MAP4K3: variants seen among roughly 807,000 people sequenced by gnomAD.
MAP4K3 encodes the protein MAPK/ERK kinase kinase kinase 3.
In MAP4K3, 94 loss-of-function variants were observed where a neutral mutation model predicts 143.5. The ratio of observed to expected loss-of-function variants is 0.65; its 90% CI spans 0.55 to 0.78. MAP4K3 has a LOEUF of 0.78. Ranked by LOEUF, MAP4K3 falls within the 30% of genes least tolerant of loss-of-function variation. MAP4K3 has a pLI of 0.00. For missense variants in MAP4K3, 1,077 were observed against 1,068.1 expected (o/e 1.01, Z -0.12); for synonymous variants, 416 against 347.2 (o/e 1.20, Z -2.20).
intron 13 of MAP4K3, among the ~76,000 whole-genome samples, chr2:39,314,552 C>T (rs1683050640): frequency 6.6e-6 from 1 of 152,186 alleles, no homozygotes; most frequent in South Asian, 2.1e-4. Context: ...CCAAATCCCA[C>T]TCCTGAGCTT....
intron 31 of MAP4K3, 22 bp downstream of exon 31, chr2:39,258,326 G>A: frequency 6.8e-7 from 1 of 1,464,834 alleles, no homozygotes. Context: ...ATAATGCAAA[G>A]AATTATAAAA....
chr2:39,307,019 G>A (rs1474739092), intron 15 of MAP4K3, among the ~76,000 whole-genome samples: 1 of 152,136 alleles, frequency 6.6e-6, no homozygotes, highest in Non-Finnish European at 1.5e-5. Flanking sequence ...CCCTAAAGAA[G>A]GGAAATTATG....
chr2:39,408,063 C>T (rs909045936), intron 1 of MAP4K3, among the ~76,000 whole-genome samples: 6 of 152,022 alleles, frequency 3.9e-5, no homozygotes, highest in African/African-American at 9.7e-5. Context: ...AGCTTTTAAC[C>T]CTTGAGCCTT....
rs201438993 is a variant in MAP4K3 at position 39,274,219 on chromosome 2, C to CT, written c.1795-1678dup. On this transcript the variant is annotated intron_variant, in intron 24 of 33. Coordinates refer to ENST00000263881, the MANE Select transcript of MAP4K3 (RefSeq NM_003618.4). ...ATTTCATTTTGAATTTTCTTTCTCT[C>CT]TCTTTTTTTTTTTTTGAGATGGAGT... is the stretch of plus-strand genomic sequence containing the variant. 2.7e-3 allele frequency among the ~76,000 whole-genome samples: 389 copies of CT among 144,378 alleles called. 8 individuals carry two copies. The highest frequency in any genetic ancestry group is 7.2e-3 in the Middle Eastern group (2 of 278). 94.7% of individuals were successfully genotyped at this position (144,378 alleles called of 152,430 possible).
rs534469416 is a variant in MAP4K3 at position 39,430,416 on chromosome 2, C to A, written c.96+6476G>T. On this transcript the variant is annotated intron_variant, in intron 1 of 33. Coordinates refer to ENST00000263881, the MANE Select transcript of MAP4K3 (RefSeq NM_003618.4). ...AACCAAACCTATAATCAGGTCAAGG[C>A]AGTTAGAACTCAGAAATGTGGCATC... 2.0e-5 allele frequency among the ~76,000 whole-genome samples: 3 copies of A among 151,700 alleles called. No individual in the cohort carries two copies. The East Asian group carries it at 5.8e-4, about 29-fold the overall frequency.
rs117781071 is a variant in MAP4K3, at chr2:39,424,239, C to T, written c.96+12653G>A. Reference sequence around the variant, plus strand: ...GATTACAGGCGTGAGCCATCGCGCCCGGCCTGGTTCATCAATTTTAACAAA... The same window carrying T: ...GATTACAGGCGTGAGCCATCGCGCCTGGCCTGGTTCATCAATTTTAACAAA... On this transcript the variant is annotated intron_variant, in intron 1 of 33. Transcript: ENST00000263881. 1.8e-3 allele frequency among the ~76,000 whole-genome samples: 275 copies of T among 152,216 alleles called. 5 individuals are homozygous for T. The East Asian group carries it at 0.025, about 14-fold the overall frequency.
intron 2 of MAP4K3, among the ~76,000 whole-genome samples, chr2:39,365,431 T>A (rs10181820): frequency 0.14 from 1,374 of 9,864 alleles, 8 homozygotes; most frequent in Non-Finnish European, 0.2. Context: ...GCCATAGTAA[T>A]TTTTTTTTTT....
intron 26 of MAP4K3, among the ~76,000 whole-genome samples, chr2:39,269,448 A>G (rs968733130): frequency 6.8e-5 from 10 of 147,444 alleles, no homozygotes; most frequent in African/African-American, 2.0e-4. Flanking sequence ...TAGAAATCTG[A>G]AGCTTAGATT....
At chr2:39,299,464 C>T (rs1240385259) in intron 16 of MAP4K3, among the ~76,000 whole-genome samples, 2 of 152,070 alleles carry the variant, frequency 1.3e-5, no homozygotes, top group Admixed American at 1.3e-4. Flanking sequence ...AAATAAAGTG[C>T]TAAAACATGT....
chr2:39,377,821 G>T (rs1442733431), intron 2 of MAP4K3, among the ~76,000 whole-genome samples: 1 of 152,146 alleles, frequency 6.6e-6, no homozygotes, highest in African/African-American at 2.4e-5. Context: ...AGTTCAGAAA[G>T]AACAAAGTCT....
chr2:39,336,962 TA>T lies in MAP4K3; in HGVS notation c.371del (p.Leu124TyrfsTer14). ...AYVSRETLQG[L>X]YYLHSKGKMH... The stretch of plus-strand genomic sequence containing the variant: ...TTTTTCCTTTACTGTGAAGATAATA[TA>T]ATCCCTGGAGTTTCAAAAAACAGAA... On this transcript the variant is annotated frameshift_variant, in exon 6 of 34. Transcript: ENST00000263881. LOFTEE classifies it high-confidence loss of function. The T allele has an allele frequency of 1.5e-6, 2 of 1,349,284 alleles. No homozygotes were observed. Among genetic ancestry groups the T allele is most frequent in the South Asian group, 1.3e-5 (1 of 77,504 alleles). The allele number at this position is 1,349,284 out of a possible 1,614,324, so 83.6% of individuals were successfully genotyped here.
chr2:39,401,526 G>T (rs930040143), intron 1 of MAP4K3, among the ~76,000 whole-genome samples: 8 of 152,156 alleles, frequency 5.3e-5, no homozygotes, highest in African/African-American at 1.9e-4. Flanking sequence ...AAGGCCAGGC[G>T]CTGTGGTTCA....
At chr2:39,268,143 A>C (rs748727810) in intron 26 of MAP4K3, among the ~76,000 whole-genome samples, 3 of 152,194 alleles carry the variant, frequency 2.0e-5, no homozygotes, top group Non-Finnish European at 4.4e-5. Flanking sequence ...GGTGTTTTGC[A>C]AACATCTGAC....
At chr2:39,282,271 G>A (rs1395358418) in intron 22 of MAP4K3, among the ~76,000 whole-genome samples, 1 of 151,622 alleles carries the variant, frequency 6.6e-6, no homozygotes, top group Non-Finnish European at 1.5e-5. Flanking sequence ...GCCAAGGTGG[G>A]CAGATCACTT....
At chr2:39,307,480 T>C (rs1014218529) in intron 15 of MAP4K3, among the ~76,000 whole-genome samples, 8 of 151,898 alleles carry the variant, frequency 5.3e-5, no homozygotes, top group Non-Finnish European at 1.2e-4. Context: ...AAATTATATA[T>C]GTACCATATA....
At chr2:39,391,765 G>A (rs535541901) in intron 1 of MAP4K3, among the ~76,000 whole-genome samples, 3 of 152,182 alleles carry the variant, frequency 2.0e-5, no homozygotes, top group Non-Finnish European at 2.9e-5. Flanking sequence ...TAACATTTTC[G>A]TGGTGTAAAC....
intron 29 of MAP4K3, among the ~76,000 whole-genome samples, chr2:39,259,265 TG>T (rs1382708716): frequency 6.6e-6 from 1 of 152,180 alleles, no homozygotes; most frequent in Non-Finnish European, 1.5e-5. Context: ...CAGCAACACT[TG>T]GGAATTCACG....
intron 22 of MAP4K3, among the ~76,000 whole-genome samples, chr2:39,282,281 T>C (rs1414225626): frequency 1.3e-5 from 2 of 152,060 alleles, no homozygotes; most frequent in Admixed American, 6.5e-5. Flanking sequence ...GCAGATCACT[T>C]GAGGCCAGGA....
At chr2:39,259,863 G>C (rs1680496192) in intron 29 of MAP4K3, among the ~76,000 whole-genome samples, 2 of 152,028 alleles carry the variant, frequency 1.3e-5, no homozygotes, top group African/African-American at 4.8e-5. Flanking sequence ...GACTTTACGG[G>C]TTTCCTATAC....
Sources: allele counts gnomAD v4.1 joint callset (sites outside exome capture counted in the v4.1 genomes callset), GRCh38; gene constraint gnomAD v4.1.1; transcripts MANE v1.5; gene names NCBI Gene and HGNC (gene_info 2026-07-23, HGNC 2026-07-21).